Variants in CNTN4 observed in about 807,000 individuals in gnomAD.
CNTN4 encodes contactin-4.
A neutral mutation model predicts 122.5 loss-of-function variants in CNTN4; 77 were observed. The observed-to-expected ratio is 0.63, with a 90% CI of 0.52 to 0.76. The LOEUF is 0.76. Ranked by LOEUF, CNTN4 falls within the 30% of genes least tolerant of loss-of-function variation. The probability of loss-of-function intolerance (pLI) is 0.00; values close to 1 mark genes in which losing one functional copy is unlikely to be tolerated. For synonymous variants in CNTN4, 512 were observed against 447.0 expected, an observed-to-expected ratio of 1.15 and a Z score of -1.83; for missense variants, 1,256 against 1,259.1, an observed-to-expected ratio of 1.00 and a Z score of 0.04.
rs373190176 is a variant in CNTN4, at chr3:2,781,869, C to T, written c.358+36172C>T. On this transcript the variant is annotated intron_variant, in intron 6 of 24. Transcript: ENST00000418658. ...CCTCCCGAGTAGCTGGGACTGCAGGCGCCCGCACCACGCCCGGCTAATTTT... is the reference window on the plus strand; with the variant it reads ...CCTCCCGAGTAGCTGGGACTGCAGGTGCCCGCACCACGCCCGGCTAATTTT... Among the ~76,000 whole-genome samples, 99 of 87,720 alleles carry T rather than the reference C, an allele frequency of 1.1e-3. 6 individuals are homozygous for T. The highest frequency in any genetic ancestry group is 2.5e-3 in the South Asian group (8 of 3,236). 57.5% of individuals were successfully genotyped at this position (87,720 alleles called of 152,430 possible).
intron 2 of CNTN4, among the ~76,000 whole-genome samples, chr3:2,166,338 A>T (rs1459700975): frequency 6.6e-6 from 1 of 152,034 alleles, no homozygotes; most frequent in Non-Finnish European, 1.5e-5. Flanking sequence ...TTATTATCAA[A>T]AAGTGAAAAG....
chr3:3,034,815 G>C (rs1299033071), intron 17 of CNTN4, 25 bp downstream of exon 17: 1 of 1,613,454 alleles, frequency 6.2e-7, no homozygotes, highest in Admixed American at 1.7e-5. Context: ...GCTTGGCTCA[G>C]AGACATTGGG....
At chr3:2,850,840 T>C (rs1280560423) in intron 7 of CNTN4, among the ~76,000 whole-genome samples, 1 of 152,208 alleles carries the variant, frequency 6.6e-6, no homozygotes, top group African/African-American at 2.4e-5. Context: ...GATGGATTTT[T>C]TTTTCCCCTG....
intron 2 of CNTN4, among the ~76,000 whole-genome samples, chr3:2,235,248 T>C (rs865776123): frequency 1.3e-5 from 2 of 152,184 alleles, no homozygotes; most frequent in African/African-American, 4.8e-5. Context: ...TGTACATTTA[T>C]CAAGGTTATG....
chr3:2,975,202 AAAG>A (rs775533075), intron 13 of CNTN4, among the ~76,000 whole-genome samples: 35 of 152,210 alleles, frequency 2.3e-4, no homozygotes, highest in Non-Finnish European at 4.4e-4. Context: ...CAGAAAAAAA[AAAG>A]AACTATTTAA....
chr3:2,914,368 T>G (rs1049228700), intron 12 of CNTN4, among the ~76,000 whole-genome samples: 1 of 150,736 alleles, frequency 6.6e-6, no homozygotes, highest in African/African-American at 2.4e-5. Context: ...TAAACAAGAG[T>G]TGATTTTTAA....
intron 4 of CNTN4, among the ~76,000 whole-genome samples, chr3:2,689,702 T>G (rs544831948): frequency 6.6e-6 from 1 of 151,972 alleles, no homozygotes; most frequent in Admixed American, 6.6e-5. Context: ...GAATTAGCAG[T>G]AGAGCAGCTG....
chr3:2,220,108 T>G (rs907762980), intron 2 of CNTN4, among the ~76,000 whole-genome samples: 6 of 152,176 alleles, frequency 3.9e-5, no homozygotes, highest in Non-Finnish European at 1.5e-5. Context: ...ACTGTTCCTC[T>G]CTTGTCATGT....
At chr3:2,996,220 A>T (rs1257423645) in intron 14 of CNTN4, among the ~76,000 whole-genome samples, 2 of 152,164 alleles carry the variant, frequency 1.3e-5, no homozygotes, top group Non-Finnish European at 2.9e-5. Context: ...GAGGTACATG[A>T]AAATGTGTTA....
intron 3 of CNTN4, among the ~76,000 whole-genome samples, chr3:2,466,113 C>T: frequency 6.6e-6 from 1 of 152,168 alleles, no homozygotes; most frequent in East Asian, 1.9e-4. Flanking sequence ...ATAGGATGGC[C>T]TCACTAATCT....
chr3:2,670,796 C>CA (rs2084464022), intron 4 of CNTN4, among the ~76,000 whole-genome samples: 1 of 152,138 alleles, frequency 6.6e-6, no homozygotes, highest in Non-Finnish European at 1.5e-5. Context: ...CTGGTGGTGA[C>CA]AAAATCTCTC....
At chr3:2,558,375 C>T (rs535066209) in intron 3 of CNTN4, among the ~76,000 whole-genome samples, 2 of 152,272 alleles carry the variant, frequency 1.3e-5, no homozygotes, top group East Asian at 3.9e-4. Flanking sequence ...TGAGTCTGTG[C>T]CAGTTCCTGA....
At chr3:2,249,147 A>G (rs1406480664) in intron 2 of CNTN4, among the ~76,000 whole-genome samples, 1 of 3,300 alleles carries the variant, frequency 3.0e-4, no homozygotes, top group Non-Finnish European at 0.023. Context: ...AAAATAAAAT[A>G]AATTATAAAA....
intron 7 of CNTN4, among the ~76,000 whole-genome samples, chr3:2,834,302 C>G (rs569455202): frequency 1.3e-5 from 2 of 152,176 alleles, no homozygotes; most frequent in East Asian, 3.9e-4. Context: ...TAGTGGCTCA[C>G]GCCTGTAATC....
At chr3:2,383,956 A>G (rs1270837388) in intron 3 of CNTN4, among the ~76,000 whole-genome samples, 2 of 152,166 alleles carry the variant, frequency 1.3e-5, no homozygotes, top group Admixed American at 6.5e-5. Flanking sequence ...GTGTATGTAT[A>G]TATCACAACC....
At chr3:2,470,820 A>G (rs1415793345) in intron 3 of CNTN4, among the ~76,000 whole-genome samples, 1 of 152,196 alleles carries the variant, frequency 6.6e-6, no homozygotes, top group African/African-American at 2.4e-5. Context: ...TGAACTGAGG[A>G]AAGTTTAATA....
intron 3 of CNTN4, among the ~76,000 whole-genome samples, chr3:2,530,945 T>C (rs545634370): frequency 3.9e-5 from 6 of 152,310 alleles, no homozygotes; most frequent in Non-Finnish European, 8.8e-5. Context: ...TTTCCCAGTC[T>C]CTTACCTTGT....
chr3:2,568,324 A>AAAC (rs1197400606), intron 3 of CNTN4, among the ~76,000 whole-genome samples: 4 of 150,420 alleles, frequency 2.7e-5, no homozygotes, highest in African/African-American at 9.8e-5. Flanking sequence ...TGTGAAAAAA[A>AAAC]AAAAAAAAAA....
intron 4 of CNTN4, among the ~76,000 whole-genome samples, chr3:2,627,738 C>T (rs1359478195): frequency 7.2e-5 from 11 of 152,184 alleles, no homozygotes; most frequent in Admixed American, 2.0e-4. Flanking sequence ...TGTGATCTGC[C>T]CGCCTCGGCC....
Sources: allele counts gnomAD v4.1 joint callset (sites outside exome capture counted in the v4.1 genomes callset), GRCh38; gene constraint gnomAD v4.1.1; transcripts MANE v1.5; gene names NCBI Gene and HGNC (gene_info 2026-07-23, HGNC 2026-07-21).